The following SHANK2 variants were observed in gnomAD, a reference collection of about 807,000 sequenced individuals.
SHANK2 encodes the protein SH3 and multiple ankyrin repeat domains protein 2.
SHANK2 carries 43 observed loss-of-function variants against 133.7 expected under a neutral mutation model. The observed-to-expected ratio is 0.32, with a 90% CI of 0.25 to 0.41. The LOEUF (loss-of-function observed/expected upper bound fraction) is 0.41, where lower values mean the gene tolerates loss of function less well. Among genes scored for constraint, SHANK2 ranks in the 10% least tolerant of loss-of-function variants. The pLI is 1.00. For synonymous variants in SHANK2, 1,017 were observed against 952.8 expected, an observed-to-expected ratio of 1.07 and a Z score of -1.24; for missense variants, 1,994 against 2,235.8, an observed-to-expected ratio of 0.89 and a Z score of 2.18.
intron 14 of SHANK2, among the ~76,000 whole-genome samples, chr11:70,778,905 C>T (rs1555044512): frequency 2.0e-5 from 3 of 152,130 alleles, no homozygotes; most frequent in African/African-American, 7.2e-5. Context: ...ACCCTCTGCC[C>T]ACAGTGGCCA....
intron 17 of SHANK2, chr11:70,603,635 C>T (rs1554991557): frequency 6.6e-6 from 1 of 152,512 alleles, no homozygotes; most frequent in African/African-American, 2.4e-5. Flanking sequence ...GAGCTGGGAC[C>T]TCGGAGAAGG....
At chr11:70,770,192 G>C (rs545111283) in intron 14 of SHANK2, among the ~76,000 whole-genome samples, 1 of 152,184 alleles carries the variant, frequency 6.6e-6, no homozygotes, top group African/African-American at 2.4e-5. Context: ...CTCTGCTGCC[G>C]CCCACTTGAT....
At chr11:71,185,239 C>T (rs1555114317) in intron 2 of SHANK2, among the ~76,000 whole-genome samples, 1 of 152,214 alleles carries the variant, frequency 6.6e-6, no homozygotes, top group Non-Finnish European at 1.5e-5. Context: ...AGACCATCTA[C>T]ACTCAATGAT....
chr11:70,947,132 A>AACACAC (rs144004521), intron 10 of SHANK2, among the ~76,000 whole-genome samples: 144 of 126,578 alleles, frequency 1.1e-3, no homozygotes, highest in African/African-American at 3.0e-3. Flanking sequence ...GCACCTCTCC[A>AACACAC]ACACACACAC....
intron 8 of SHANK2, among the ~76,000 whole-genome samples, chr11:71,083,927 T>G (rs1951338147): frequency 6.6e-6 from 1 of 151,850 alleles, no homozygotes; most frequent in Non-Finnish European, 1.5e-5. Context: ...GGGTAATTTT[T>G]TGGTAATCAA....
Position 71,190,437 on chromosome 11 carries a change from G to A in SHANK2, c.-13+34260C>T, listed in dbSNP as rs115764240. 3.0e-3 allele frequency among the ~76,000 whole-genome samples: 455 copies of A among 152,258 alleles called. 2 individuals carry two copies. Among genetic ancestry groups the A allele is most frequent in the African/African-American group, 0.01 (431 of 41,546 alleles). ...TTAAGCATCTCGGTACCCGTCTGCCGCACTCCTGAACTAACCCCTGCAATG... is the reference window on the plus strand; with the variant it reads ...TTAAGCATCTCGGTACCCGTCTGCCACACTCCTGAACTAACCCCTGCAATG... On this transcript the variant is annotated intron_variant, in intron 2 of 25. Coordinates refer to ENST00000601538, the MANE Select transcript of SHANK2 (RefSeq NM_012309.5).
intron 17 of SHANK2, among the ~76,000 whole-genome samples, chr11:70,573,458 T>A (rs959501532): frequency 3.2e-4 from 47 of 147,922 alleles, no homozygotes; most frequent in Non-Finnish European, 6.2e-4. Flanking sequence ...GACTGGACAT[T>A]GATTATGCCC....
intron 17 of SHANK2, among the ~76,000 whole-genome samples, chr11:70,610,194 A>G (rs1361192382): frequency 1.3e-5 from 2 of 152,066 alleles, no homozygotes; most frequent in Non-Finnish European, 2.9e-5. Flanking sequence ...CACATTTTAC[A>G]TTACATGTAT....
intron 11 of SHANK2, among the ~76,000 whole-genome samples, chr11:70,889,318 C>A (rs1479997370): frequency 6.6e-6 from 1 of 152,178 alleles, no homozygotes; most frequent in East Asian, 1.9e-4. Context: ...AGGAAGGATT[C>A]CTCCCTTGGG....
chr11:70,538,345 G>A (rs2059570995), intron 17 of SHANK2, among the ~76,000 whole-genome samples: 2 of 152,266 alleles, frequency 1.3e-5, no homozygotes, highest in Non-Finnish European at 2.9e-5. Context: ...CACCGCCTTT[G>A]TCCCGAGGGG....
intron 10 of SHANK2, among the ~76,000 whole-genome samples, chr11:70,953,752 C>G (rs1021232947): frequency 6.6e-6 from 1 of 152,216 alleles, no homozygotes; most frequent in African/African-American, 2.4e-5. Context: ...TGGCGACACC[C>G]TCAGACACAC....
chr11:70,720,667 T>C (rs1293430197), intron 14 of SHANK2, among the ~76,000 whole-genome samples: 2 of 152,226 alleles, frequency 1.3e-5, no homozygotes, highest in Non-Finnish European at 2.9e-5. Flanking sequence ...CCCAGAAACA[T>C]GCAGGAATGA....
chr11:70,737,650 A>G (rs1338422651), intron 14 of SHANK2, among the ~76,000 whole-genome samples: 1 of 152,164 alleles, frequency 6.6e-6, no homozygotes, highest in Non-Finnish European at 1.5e-5. Context: ...AGGGCAGCCC[A>G]GGCCCCAGTG....
chr11:71,232,223 A>C (rs782166824), intron 1 of SHANK2, among the ~76,000 whole-genome samples: 22 of 152,268 alleles, frequency 1.4e-4, no homozygotes, highest in African/African-American at 2.6e-4. Context: ...CTTATAGAGC[A>C]AGTAGGGGTG....
chr11:70,788,941 G>A (rs2135164873), intron 14 of SHANK2, among the ~76,000 whole-genome samples: 1 of 152,300 alleles, frequency 6.6e-6, no homozygotes, highest in South Asian at 2.1e-4. Context: ...CTGAAGGAGA[G>A]ATCCGAGAAT....
Position 71,175,855 on chromosome 11 carries a change from C to G in SHANK2, c.-12-28517G>C, listed in dbSNP as rs1953431438. 6.6e-6 allele frequency among the ~76,000 whole-genome samples: 1 copy of G among 152,150 alleles called. No homozygotes were observed. Among genetic ancestry groups the G allele is most frequent in the Non-Finnish European group, 1.5e-5 (1 of 68,040 alleles). ...AAGCAAGGACCACCCAGGCAAACTC[C>G]CAGAGTGGAGGCGATGGGGCTGAGA... On this transcript the variant is annotated intron_variant, in intron 2 of 25. Transcript: ENST00000601538. This position sits in a 1 kb window ranked among gnomAD's most constrained non-coding sequence, Gnocchi z 4.2.
chr11:70,503,774 C>T (rs1473225804), intron 17 of SHANK2, among the ~76,000 whole-genome samples: 2 of 152,254 alleles, frequency 1.3e-5, no homozygotes, highest in African/African-American at 4.8e-5. Context: ...GAGCAATGCT[C>T]AGCAGCAGAT....
At chr11:70,623,380 C>A (rs11236931) in intron 17 of SHANK2, among the ~76,000 whole-genome samples, 3 of 152,074 alleles carry the variant, frequency 2.0e-5, no homozygotes, top group Non-Finnish European at 4.4e-5. Flanking sequence ...CTCCACGCAC[C>A]ATTTGCCCTT....
At chr11:71,184,786 T>G (rs77630499) in intron 2 of SHANK2, among the ~76,000 whole-genome samples, 5,916 of 152,266 alleles carry the variant, frequency 0.039, 195 homozygotes, top group African/African-American at 0.091. Flanking sequence ...TGGGTCAGCA[T>G]GTAGATGCCT....
Sources: allele counts gnomAD v4.1 joint callset (sites outside exome capture counted in the v4.1 genomes callset), GRCh38; gene constraint gnomAD v4.1.1; non-coding constraint Gnocchi (gnomAD v3.1); transcripts MANE v1.5; gene names NCBI Gene and HGNC (gene_info 2026-07-23, HGNC 2026-07-21).